GRID2: variants seen among roughly 807,000 people sequenced by gnomAD.
The protein encoded by GRID2 is glutamate receptor ionotropic, delta-2.
In GRID2, 33 loss-of-function variants were observed where a neutral mutation model predicts 114.8. The observed-to-expected ratio is 0.29, with a 90% confidence interval of 0.22 to 0.38. The LOEUF (loss-of-function observed/expected upper bound fraction) is 0.38. Ranked by LOEUF, GRID2 falls within the 10% of genes least tolerant of loss-of-function variation. The pLI is 1.00. For synonymous variants in GRID2, 505 were observed against 449.9 expected, an observed-to-expected ratio of 1.12 and a Z score of -1.55; for missense variants, 1,184 against 1,257.7, an observed-to-expected ratio of 0.94 and a Z score of 0.89.
intron 14 of GRID2, among the ~76,000 whole-genome samples, chr4:93,746,267 A>G (rs1462362769): frequency 2.0e-5 from 3 of 152,286 alleles, no homozygotes; most frequent in Non-Finnish European, 2.9e-5. Flanking sequence ...GGAAATAGCT[A>G]CAAAAGTAAA....
chr4:93,686,909 G>C (rs1444251519), intron 14 of GRID2, among the ~76,000 whole-genome samples: 1 of 151,990 alleles, frequency 6.6e-6, no homozygotes, highest in Non-Finnish European at 1.5e-5. Flanking sequence ...GTTTTACTCT[G>C]AGTGAAACAG....
chr4:92,891,141 A>C (rs1746753641), intron 2 of GRID2, among the ~76,000 whole-genome samples: 1 of 152,122 alleles, frequency 6.6e-6, no homozygotes, highest in South Asian at 2.1e-4. Context: ...GGGGAGGGAT[A>C]GCATTAGGAG....
intron 1 of GRID2, among the ~76,000 whole-genome samples, chr4:92,420,307 G>GTT (rs1297661676): frequency 1.3e-5 from 2 of 152,034 alleles, no homozygotes; most frequent in African/African-American, 4.8e-5. Flanking sequence ...TAAATAGTAA[G>GTT]TTTTAACACC....
chr4:93,060,420 T>C (rs950846965), intron 2 of GRID2, among the ~76,000 whole-genome samples: 3 of 152,196 alleles, frequency 2.0e-5, no homozygotes, highest in African/African-American at 7.2e-5. Context: ...GAAATGCTAA[T>C]TAGTATTTCC....
intron 2 of GRID2, among the ~76,000 whole-genome samples, chr4:92,610,185 C>A (rs1377058304): frequency 6.6e-6 from 1 of 151,592 alleles, no homozygotes; most frequent in African/African-American, 2.4e-5. Flanking sequence ...TAGACTGACA[C>A]CCCCTTTCAA....
chr4:92,337,737 T>G (rs1428332549), intron 1 of GRID2, among the ~76,000 whole-genome samples: 2 of 152,160 alleles, frequency 1.3e-5, no homozygotes, highest in African/African-American at 2.4e-5. Context: ...TCTCCCTTGA[T>G]ACCTAGGGAT....
intron 2 of GRID2, among the ~76,000 whole-genome samples, chr4:92,965,483 A>AAC (rs1753094435): frequency 7.8e-6 from 1 of 128,558 alleles, no homozygotes; most frequent in Non-Finnish European, 1.6e-5. Context: ...AAAAAAAAAA[A>AAC]AAAAAACACA....
At chr4:92,970,006 G>C (rs1753394334) in intron 2 of GRID2, among the ~76,000 whole-genome samples, 1 of 151,790 alleles carries the variant, frequency 6.6e-6, no homozygotes, top group African/African-American at 2.4e-5. Flanking sequence ...TAAAATTTCC[G>C]GGCTAACAAT....
intron 2 of GRID2, among the ~76,000 whole-genome samples, chr4:92,667,657 A>G (rs62309230): frequency 0.061 from 9,196 of 151,658 alleles, 336 homozygotes; most frequent in East Asian, 0.16. Flanking sequence ...TTAGCTGGAC[A>G]GTCACCCAAA....
intron 8 of GRID2, among the ~76,000 whole-genome samples, chr4:93,363,181 C>G (rs1014035922): frequency 1.3e-5 from 2 of 152,176 alleles, no homozygotes; most frequent in African/African-American, 4.8e-5. Context: ...TGCACCACTG[C>G]ACTCCAGCCT....
Position 93,193,842 on chromosome 4 carries a change from GATACCC to G in GRID2, c.736-13561_736-13556del, listed in dbSNP as rs1485411242. On this transcript the variant is annotated intron_variant, in intron 4 of 15. Coordinates refer to ENST00000282020, the MANE Select transcript of GRID2 (RefSeq NM_001510.4). ...AGAAAGTCTTGGCATACATCTCCAG[GATACCC>G]CCTGAATTATAGGCCACAATTGTAC... Among the ~76,000 whole-genome samples the G allele has an allele frequency of 2.0e-5, 3 of 152,070 alleles. No individual in the cohort carries two copies. In the East Asian group the frequency reaches 5.8e-4, roughly 29 times the overall value.
intron 4 of GRID2, among the ~76,000 whole-genome samples, chr4:93,203,196 C>A (rs1201292484): frequency 6.6e-6 from 1 of 152,068 alleles, no homozygotes; most frequent in Admixed American, 6.6e-5. Flanking sequence ...AGAACTCATG[C>A]CAGCCCACTG....
At chr4:92,308,630 T>C (rs1725539002) in intron 1 of GRID2, among the ~76,000 whole-genome samples, 1 of 152,062 alleles carries the variant, frequency 6.6e-6, no homozygotes, top group Non-Finnish European at 1.5e-5. Flanking sequence ...TTAAAAACAA[T>C]AATAGATTGT....
At chr4:92,513,110 T>C (rs1724336335) in intron 1 of GRID2, among the ~76,000 whole-genome samples, 1 of 151,908 alleles carries the variant, frequency 6.6e-6, no homozygotes, top group African/African-American at 2.4e-5. Context: ...GTGTGTACTG[T>C]ATTCGTGTAT....
At chr4:92,539,778 G>A (rs116276157) in intron 1 of GRID2, among the ~76,000 whole-genome samples, 3,988 of 152,032 alleles carry the variant, frequency 0.026, 157 homozygotes, top group African/African-American at 0.082. Flanking sequence ...GTTTCTTTAC[G>A]TAAAAAGTGA....
intron 2 of GRID2, among the ~76,000 whole-genome samples, chr4:92,802,454 C>A (rs1160651007): frequency 6.6e-6 from 1 of 151,668 alleles, no homozygotes; most frequent in Non-Finnish European, 1.5e-5. Context: ...GTGTATTTAT[C>A]ACTGCCTCCA....
chr4:92,689,800 A>G (rs768667796), intron 2 of GRID2, among the ~76,000 whole-genome samples: 15 of 152,142 alleles, frequency 9.9e-5, no homozygotes, highest in Non-Finnish European at 2.2e-4. Context: ...TTGTACCTTC[A>G]TTTTATGGAG....
chr4:93,145,865 TACAC>T (rs10605314), intron 4 of GRID2, among the ~76,000 whole-genome samples: 70 of 147,884 alleles, frequency 4.7e-4, no homozygotes, highest in East Asian at 1.2e-3. Context: ...CACACACACA[TACAC>T]ACACACACAC....
At chr4:93,314,324 AAAAAAG>A (rs1364358546) in intron 8 of GRID2, among the ~76,000 whole-genome samples, 7 of 150,238 alleles carry the variant, frequency 4.7e-5, no homozygotes, top group African/African-American at 9.8e-5. Context: ...AAAAAAAAAA[AAAAAAG>A]AAGAAGAAGA....
Sources: allele counts gnomAD v4.1 joint callset (sites outside exome capture counted in the v4.1 genomes callset), GRCh38; gene constraint gnomAD v4.1.1; transcripts MANE v1.5; gene names NCBI Gene and HGNC (gene_info 2026-07-23, HGNC 2026-07-21).